Variants in ENTREP2 observed in about 807,000 individuals in gnomAD.
The protein encoded by ENTREP2 is protein ENTREP2.
the ENTREP2 span, among the ~76,000 whole-genome samples, chr15:29,417,351 T>C: frequency 6.6e-6 from 1 of 152,158 alleles, no homozygotes; most frequent in Non-Finnish European, 1.5e-5. Flanking sequence ...TGTAGGGACA[T>C]GGATGAAGCT....
the ENTREP2 span, among the ~76,000 whole-genome samples, chr15:29,323,034 G>C: frequency 6.6e-6 from 1 of 152,204 alleles, no homozygotes; most frequent in Non-Finnish European, 1.5e-5. Flanking sequence ...ATAAGAAATG[G>C]AAGAAGGAAA....
the ENTREP2 span, among the ~76,000 whole-genome samples, chr15:29,603,224 C>T: frequency 6.6e-6 from 1 of 152,178 alleles, no homozygotes; most frequent in Non-Finnish European, 1.5e-5. Context: ...GGAACAAAGG[C>T]ATAGCTTCCA....
At chr15:29,447,281 G>A in the ENTREP2 span, among the ~76,000 whole-genome samples, 2 of 152,128 alleles carry the variant, frequency 1.3e-5, no homozygotes. Context: ...GAGAAAAGAA[G>A]TCATTCTGGG....
the ENTREP2 span, among the ~76,000 whole-genome samples, chr15:29,658,649 TA>T: frequency 6.7e-6 from 1 of 149,704 alleles, no homozygotes; most frequent in African/African-American, 2.5e-5. Context: ...AACAAATCAA[TA>T]AAAAAAAACA....
At chr15:29,382,068 G>A in the ENTREP2 span, among the ~76,000 whole-genome samples, 1 of 152,086 alleles carries the variant, frequency 6.6e-6, no homozygotes, top group Admixed American at 6.5e-5. Context: ...TAGGTGGCCC[G>A]AGAGTGACAG....
At chr15:29,210,775 C>A in the ENTREP2 span, among the ~76,000 whole-genome samples, 6 of 152,276 alleles carry the variant, frequency 3.9e-5, no homozygotes, top group Admixed American at 3.9e-4. Flanking sequence ...TTGGAAACTG[C>A]GAGTAATAAA....
At chr15:29,150,197 C>A in the ENTREP2 span, among the ~76,000 whole-genome samples, 383 of 152,326 alleles carry the variant, frequency 2.5e-3, 3 homozygotes, top group Non-Finnish European at 2.7e-3. Flanking sequence ...CCCAGAGTCA[C>A]CTGCCTCGAA....
chr15:29,315,619 T>C, the ENTREP2 span, among the ~76,000 whole-genome samples: 2 of 152,114 alleles, frequency 1.3e-5, no homozygotes, highest in East Asian at 1.9e-4. Flanking sequence ...CTTTAAGTAT[T>C]AGAAAAAAAC....
At chr15:29,639,744 A>G in the ENTREP2 span, among the ~76,000 whole-genome samples, 4 of 151,766 alleles carry the variant, frequency 2.6e-5, no homozygotes, top group African/African-American at 9.7e-5. Context: ...AAAATCAACA[A>G]AATCAAAAGT....
chr15:29,122,442 A>G, the ENTREP2 span: 1 of 152,176 alleles, frequency 6.6e-6, no homozygotes, highest in African/African-American at 2.4e-5. Flanking sequence ...CTGCTTTATC[A>G]GGAGGGGCTA....
the ENTREP2 span, among the ~76,000 whole-genome samples, chr15:29,579,122 C>T: frequency 2.6e-5 from 4 of 152,170 alleles, no homozygotes; most frequent in African/African-American, 7.2e-5. Flanking sequence ...TCTCATCCAT[C>T]AACTGAACAG....
At chr15:29,616,895 A>G in the ENTREP2 span, among the ~76,000 whole-genome samples, 7 of 152,096 alleles carry the variant, frequency 4.6e-5, no homozygotes, top group African/African-American at 1.7e-4. Context: ...GCCCATCTCT[A>G]CTAAAAATAC....
chr15:29,434,517 T>C, the ENTREP2 span, among the ~76,000 whole-genome samples: 11 of 151,954 alleles, frequency 7.2e-5, no homozygotes, highest in Non-Finnish European at 1.5e-4. Context: ...AGACTCAGAG[T>C]CTCTGGAAGG....
the ENTREP2 span, among the ~76,000 whole-genome samples, chr15:29,582,893 G>A: frequency 9.2e-5 from 14 of 151,914 alleles, no homozygotes; most frequent in East Asian, 3.9e-4. Flanking sequence ...CTCATGACCC[G>A]CCCCATTGGC....
chr15:29,641,878 C>T, the ENTREP2 span, among the ~76,000 whole-genome samples: 3 of 148,020 alleles, frequency 2.0e-5, no homozygotes, highest in Non-Finnish European at 4.5e-5. Flanking sequence ...AATTCATTTA[C>T]GAGATCATTA....
At chr15:29,586,506 T>A in the ENTREP2 span, among the ~76,000 whole-genome samples, 1 of 152,072 alleles carries the variant, frequency 6.6e-6, no homozygotes, top group African/African-American at 2.4e-5. Flanking sequence ...AAAAGACCAA[T>A]GGAGGGTTAA....
At chr15:29,405,151 G>T in the ENTREP2 span, among the ~76,000 whole-genome samples, 1 of 152,200 alleles carries the variant, frequency 6.6e-6, no homozygotes, top group African/African-American at 2.4e-5. Context: ...CACTTTGGGA[G>T]GCCGAGGCGG....
the ENTREP2 span, among the ~76,000 whole-genome samples, chr15:29,164,324 G>A: frequency 6.6e-6 from 1 of 152,132 alleles, no homozygotes; most frequent in African/African-American, 2.4e-5. Context: ...TGAATGCAAT[G>A]GTACCTCACA....
the ENTREP2 span, among the ~76,000 whole-genome samples, chr15:29,482,291 T>C: frequency 1.3e-5 from 2 of 151,966 alleles, no homozygotes; most frequent in African/African-American, 4.8e-5. Context: ...ATTACAGGCG[T>C]GAGCCACCAT....
Sources: gnomAD v4.1 joint callset for allele counts (sites outside exome capture counted in the v4.1 genomes callset) on GRCh38, gnomAD v4.1.1 for gene constraint, MANE v1.5 for transcripts, NCBI Gene and HGNC (gene_info 2026-07-23, HGNC 2026-07-21) for gene names.